Variants in CDK14 observed in about 807,000 individuals in gnomAD.
CDK14 encodes cyclin-dependent kinase 14.
Under a neutral mutation model 60.7 loss-of-function variants are expected in CDK14, and 34 were observed. That is an observed-to-expected ratio of 0.56 (90% CI 0.43 to 0.75). CDK14 has a LOEUF of 0.75. Among genes scored for constraint, CDK14 ranks in the 30% least tolerant of loss-of-function variants. The probability of loss-of-function intolerance (pLI) is 0.00; values close to 1 mark genes in which losing one functional copy is unlikely to be tolerated. For missense variants in CDK14, 482 were observed against 564.1 expected, an observed-to-expected ratio of 0.85 and a Z score of 1.47; for synonymous variants, 197 against 203.7, an observed-to-expected ratio of 0.97 and a Z score of 0.28.
chr7:90,748,080 G>A (rs1460451862), intron 4 of CDK14, among the ~76,000 whole-genome samples: 2 of 152,070 alleles, frequency 1.3e-5, no homozygotes, highest in African/African-American at 2.4e-5. Flanking sequence ...TGAATTATGT[G>A]ATTAATTTCT....
At chr7:90,926,585 G>A (rs998688436) in intron 8 of CDK14, among the ~76,000 whole-genome samples, 2 of 152,088 alleles carry the variant, frequency 1.3e-5, no homozygotes, top group African/African-American at 4.8e-5. Context: ...TTTCTTTTCA[G>A]ATTTCACCTT....
At chr7:90,942,621 C>T (rs896099426) in intron 8 of CDK14, among the ~76,000 whole-genome samples, 7 of 152,270 alleles carry the variant, frequency 4.6e-5, no homozygotes, top group Admixed American at 4.6e-4. Context: ...TTCCTGAAAA[C>T]TGCTGATCAA....
intron 2 of CDK14, among the ~76,000 whole-genome samples, chr7:90,625,005 C>T (rs1395652070): frequency 6.6e-6 from 1 of 152,162 alleles, no homozygotes; most frequent in African/African-American, 2.4e-5. Context: ...AGGATCACAA[C>T]AGTTTCAAAA....
At chr7:90,670,694 C>G (rs1021160075) in intron 2 of CDK14, among the ~76,000 whole-genome samples, 4 of 152,090 alleles carry the variant, frequency 2.6e-5, no homozygotes, top group Admixed American at 2.6e-4. Context: ...CAACCAGATC[C>G]TGTGAGAACT....
chr7:90,828,039 G>A (rs971176321), intron 5 of CDK14, among the ~76,000 whole-genome samples: 7 of 152,216 alleles, frequency 4.6e-5, no homozygotes, highest in East Asian at 1.9e-4. Flanking sequence ...TGTCTTAAAC[G>A]TAATACTTTA....
intron 6 of CDK14, among the ~76,000 whole-genome samples, chr7:90,863,639 C>T (rs886084085): frequency 3.4e-5 from 5 of 146,672 alleles, no homozygotes; most frequent in African/African-American, 1.2e-4. Flanking sequence ...GGATTTGTAA[C>T]TTGGTTTCTC....
chr7:90,755,334 G>A (rs1324141341), intron 4 of CDK14, among the ~76,000 whole-genome samples: 1 of 152,132 alleles, frequency 6.6e-6, no homozygotes. Context: ...GCAGCTGGAG[G>A]CCATTATCCT....
At chr7:90,775,706 T>TCC in intron 4 of CDK14, among the ~76,000 whole-genome samples, 1 of 46,418 alleles carries the variant, frequency 2.2e-5, no homozygotes, top group African/African-American at 8.6e-5. Flanking sequence ...TCCTCTCCTT[T>TCC]TCCTTCTCCT....
intron 12 of CDK14, among the ~76,000 whole-genome samples, chr7:91,088,314 A>G (rs1562899091): frequency 6.6e-6 from 1 of 152,130 alleles, no homozygotes; most frequent in East Asian, 1.9e-4. Flanking sequence ...CCACATCCAT[A>G]CCCTAAGGCA....
chr7:90,736,344 G>GCTTTTTTTTTTTTTTTTTTTTTT lies in CDK14; in HGVS notation c.369+9532_369+9533insCTTTTTTTTTTTTTTTTTTTTTT, dbSNP rs1563063351. Among the ~76,000 whole-genome samples the GCTTTTTTTTTTTTTTTTTTTTTT allele has an allele frequency of 4.9e-5, 2 of 41,034 alleles. 1 individual carries two copies. 26.9% of individuals were successfully genotyped at this position (41,034 alleles called of 152,430 possible). A position where few individuals can be genotyped will look rare whatever the true frequency, so the allele number is the denominator to read the frequency against. On this transcript the variant is annotated intron_variant, in intron 3 of 14. Coordinates refer to ENST00000380050, the MANE Select transcript of CDK14 (RefSeq NM_001287135.2). ...GTGATAAGAAGGGGTACTTTATTAT[G>GCTTTTTTTTTTTTTTTTTTTTTT]TTTTTGTTTTTTTTTTTTTTTTTTT...
chr7:90,720,673 T>C (rs1369474388), intron 2 of CDK14, among the ~76,000 whole-genome samples: 1 of 152,222 alleles, frequency 6.6e-6, no homozygotes, highest in Non-Finnish European at 1.5e-5. Context: ...TTACTATACT[T>C]ATTAACAGTG....
At chr7:91,098,375 G>C (rs1025558100) in intron 12 of CDK14, among the ~76,000 whole-genome samples, 1 of 152,000 alleles carries the variant, frequency 6.6e-6, no homozygotes, top group African/African-American at 2.4e-5. Flanking sequence ...TAATTTTTTA[G>C]GGATAGCATT....
At chr7:91,123,775 C>T (rs1282339562) in intron 14 of CDK14, among the ~76,000 whole-genome samples, 6 of 152,122 alleles carry the variant, frequency 3.9e-5, no homozygotes, top group African/African-American at 1.4e-4. Context: ...ACCACTACCA[C>T]CCTAACCGCA....
At position 90,921,568 on chromosome 7, in the gene CDK14, C is replaced by A. The variant is rs557171465; in HGVS notation, c.826+3844C>A. Among the ~76,000 whole-genome samples the A allele has an allele frequency of 1.4e-4, 22 of 152,130 alleles. 1 individual carries two copies. The South Asian group carries it at 3.9e-3, about 27-fold the overall frequency. On this transcript the variant is annotated intron_variant, in intron 8 of 14. Transcript: ENST00000380050. ...ACTATCTCTAGAACCATGCTTAGCA[C>A]ATAGATATTCAGTAAATATTGATTG...
intron 14 of CDK14, among the ~76,000 whole-genome samples, chr7:91,180,462 G>A (rs995888809): frequency 1.3e-4 from 20 of 151,210 alleles, no homozygotes; most frequent in African/African-American, 4.2e-4. Flanking sequence ...TCTCTGTAAC[G>A]CAAGTATACA....
At position 91,103,250 on chromosome 7, in the gene CDK14, C is replaced by CA. The variant is rs894736792; in HGVS notation, c.1155-9281dup. ...CCTGGGCAGCAGAGCAATACTCTGTCAAAAAAAAAAAGAAATGCTGTCTTC... is the reference window on the plus strand; with the variant it reads ...CCTGGGCAGCAGAGCAATACTCTGTCAAAAAAAAAAAAGAAATGCTGTCTTC... On this transcript the variant is annotated intron_variant, in intron 12 of 14. Coordinates refer to ENST00000380050, the MANE Select transcript of CDK14 (RefSeq NM_001287135.2). 4.3e-3 allele frequency among the ~76,000 whole-genome samples: 627 copies of CA among 144,716 alleles called. 3 individuals carry two copies. The highest frequency in any genetic ancestry group is 4.9e-3 in the Non-Finnish European group (319 of 65,572). The allele number at this position is 144,716 out of a possible 152,430, so 94.9% of individuals were successfully genotyped here. A position where few individuals can be genotyped will look rare whatever the true frequency, so the allele number is the denominator to read the frequency against.
chr7:90,928,764 G>A (rs368021137), intron 8 of CDK14, among the ~76,000 whole-genome samples: 13 of 152,222 alleles, frequency 8.5e-5, no homozygotes, highest in African/African-American at 2.7e-4. Context: ...AGACAGGGAC[G>A]TTTAAGTCTG....
chr7:90,991,576 G>C (rs1795536557), intron 10 of CDK14, among the ~76,000 whole-genome samples: 1 of 152,180 alleles, frequency 6.6e-6, no homozygotes, highest in Admixed American at 6.6e-5. Flanking sequence ...GGTGGGTTAT[G>C]AAGCCAGATT....
intron 10 of CDK14, among the ~76,000 whole-genome samples, chr7:91,038,248 T>C (rs938379099): frequency 3.3e-5 from 5 of 152,266 alleles, no homozygotes; most frequent in Non-Finnish European, 7.3e-5. Context: ...GACTTTTTAT[T>C]TAATGAAGTC....
Sources: allele counts gnomAD v4.1 joint callset (sites outside exome capture counted in the v4.1 genomes callset), GRCh38; gene constraint gnomAD v4.1.1; transcripts MANE v1.5; gene names NCBI Gene and HGNC (gene_info 2026-07-23, HGNC 2026-07-21).